The following SNX6 variants were observed in gnomAD, a reference collection of about 807,000 sequenced individuals.
SNX6 encodes sorting nexin 6, also known as sorting nexin-6.
In SNX6, 34 loss-of-function variants were observed where a neutral mutation model predicts 63.0. The ratio of observed to expected loss-of-function variants is 0.54; its 90% CI spans 0.41 to 0.72. SNX6 has a LOEUF of 0.72. SNX6 is among the 30% of genes least tolerant of loss of function. The probability of loss-of-function intolerance (pLI) is 0.00; values close to 1 mark genes in which losing one functional copy is unlikely to be tolerated. For synonymous variants in SNX6, 170 were observed against 164.2 expected (o/e 1.04, Z -0.27); for missense variants, 398 against 471.4 (o/e 0.84, Z 1.44).
intron 10 of SNX6, among the ~76,000 whole-genome samples, chr14:34,580,872 T>C (rs1028046313): frequency 6.6e-6 from 1 of 151,764 alleles, no homozygotes; most frequent in Non-Finnish European, 1.5e-5. Flanking sequence ...CCCAGGCTGA[T>C]CTCAAATTCC....
At chr14:34,570,675 C>T (rs142884347) in intron 11 of SNX6, among the ~76,000 whole-genome samples, 2,717 of 151,552 alleles carry the variant, frequency 0.018, 76 homozygotes, top group African/African-American at 0.062. Context: ...CCTGCCTCAG[C>T]CTCCCAAAAT....
chr14:34,584,157 T>C (rs1452095820), intron 9 of SNX6, among the ~76,000 whole-genome samples: 1 of 152,116 alleles, frequency 6.6e-6, no homozygotes. Flanking sequence ...GGTGGCATTT[T>C]AATTAGTGTA....
At chr14:34,611,774 T>C (rs1355264559) in intron 2 of SNX6, among the ~76,000 whole-genome samples, 2 of 125,096 alleles carry the variant, frequency 1.6e-5, no homozygotes, top group Admixed American at 8.2e-5. Context: ...AAAAGAGAAA[T>C]CTGTTCCCTT....
chr14:34,605,118 A>G (rs1240397394), intron 5 of SNX6, among the ~76,000 whole-genome samples: 2 of 152,220 alleles, frequency 1.3e-5, no homozygotes, highest in African/African-American at 2.4e-5. Context: ...GTTTTTAAGA[A>G]AACAGAATAT....
chr14:34,629,440 T>C (rs939522021), intron 2 of SNX6: 2 of 459,010 alleles, frequency 4.4e-6, no homozygotes, highest in African/African-American at 4.0e-5. Flanking sequence ...CCTTGCAAAA[T>C]GGTAATGTAG....
At chr14:34,577,002 A>C (rs1369168835) in intron 10 of SNX6, among the ~76,000 whole-genome samples, 2 of 151,894 alleles carry the variant, frequency 1.3e-5, no homozygotes, top group Admixed American at 6.6e-5. Context: ...GTGAGCCAAG[A>C]TTGAGCCACT....
At chr14:34,629,702 G>T in intron 2 of SNX6, 2 of 843,950 alleles carry the variant, frequency 2.4e-6, no homozygotes, top group Non-Finnish European at 3.8e-6. Context: ...GAAAGCGGCC[G>T]CGGGTCCCCG....
At chr14:34,617,055 C>T (rs1017891259) in intron 2 of SNX6, among the ~76,000 whole-genome samples, 6 of 152,076 alleles carry the variant, frequency 3.9e-5, no homozygotes, top group African/African-American at 1.5e-4. Flanking sequence ...GCACTCCAGC[C>T]TGGTCAAGAG....
At chr14:34,594,747 G>A (rs1882532995) in intron 7 of SNX6, among the ~76,000 whole-genome samples, 1 of 152,068 alleles carries the variant, frequency 6.6e-6, no homozygotes, top group African/African-American at 2.4e-5. Flanking sequence ...TATAATTGGA[G>A]ACCCATATCA....
At chr14:34,624,263 G>A (rs549482273) in intron 2 of SNX6, among the ~76,000 whole-genome samples, 1 of 152,150 alleles carries the variant, frequency 6.6e-6, no homozygotes, top group South Asian at 2.1e-4. Flanking sequence ...ATCACGCCCG[G>A]CTAATTTTTG....
chr14:34,624,026 A>C (rs1356970349), intron 2 of SNX6, among the ~76,000 whole-genome samples: 1 of 152,220 alleles, frequency 6.6e-6, no homozygotes, highest in Admixed American at 6.5e-5. Flanking sequence ...GGTAGGGCTA[A>C]AGAGATGAAA....
intron 6 of SNX6, among the ~76,000 whole-genome samples, chr14:34,598,548 T>G (rs945934268): frequency 1.3e-5 from 2 of 152,176 alleles, no homozygotes; most frequent in South Asian, 4.1e-4. Context: ...TGTACCATCA[T>G]GCCCAACTAT....
At chr14:34,617,789 C>T (rs1326196397) in intron 2 of SNX6, among the ~76,000 whole-genome samples, 7 of 151,644 alleles carry the variant, frequency 4.6e-5, no homozygotes, top group African/African-American at 7.3e-5. Flanking sequence ...GGCGTGGTGG[C>T]GGGCACCTGT....
chr14:34,567,927 A>G lies in SNX6; in HGVS notation c.1008T>C (p.Asp336=). The part of the protein sequence containing the change: ...ALDKARAKNK[D]VLQAETSQQL... ...GTTGGGAAGTTTCGGCCTGTAGAAC[A>G]TCTTTATTTTTTGCTCTTGCTTTAT... Residue 336 remains aspartate, a synonymous_variant, in exon 12 of 14, where the codon GAT becomes GAC. Coordinates refer to ENST00000362031, the MANE Select transcript of SNX6 (RefSeq NM_152233.4). 3 of 1,613,598 alleles carry G rather than the reference A, an allele frequency of 1.9e-6. No homozygotes were observed. The highest frequency in any genetic ancestry group is 3.6e-4 in the Middle Eastern group (2 of 5,628).
At chr14:34,602,848 C>T (rs1384480439) in intron 6 of SNX6, among the ~76,000 whole-genome samples, 66 of 149,972 alleles carry the variant, frequency 4.4e-4, no homozygotes, top group African/African-American at 1.6e-3. Context: ...TAGTGGCGGG[C>T]GCCTGTAGTC....
At chr14:34,593,015 A>T in intron 8 of SNX6, 30 bp downstream of exon 8, 1 of 1,360,582 alleles carries the variant, frequency 7.3e-7, no homozygotes, top group Non-Finnish European at 1.0e-6. Context: ...CCATTAAAAG[A>T]TATAAGCTTT....
At chr14:34,593,340 T>A (rs1045846252) in intron 7 of SNX6, among the ~76,000 whole-genome samples, 190 bp from the exon 8 acceptor site, 2 of 152,094 alleles carry the variant, frequency 1.3e-5, no homozygotes, top group African/African-American at 4.8e-5. Flanking sequence ...GTAAGAAATC[T>A]TCTATGACTT....
At position 34,574,005 on chromosome 14, in the gene SNX6, A is replaced by G. The variant is rs182057364; in HGVS notation, c.921+1751T>C. On this transcript the variant is annotated intron_variant, in intron 11 of 13. Coordinates refer to ENST00000362031, the MANE Select transcript of SNX6 (RefSeq NM_152233.4). Reference sequence around the variant, plus strand: ...AAAAAGCGTATTTTTGTTTTATGGCACTCTCATGCTCAATGGAGGACTTGC... The same window carrying G: ...AAAAAGCGTATTTTTGTTTTATGGCGCTCTCATGCTCAATGGAGGACTTGC... Among the ~76,000 whole-genome samples, 502 of 151,866 alleles carry G rather than the reference A, an allele frequency of 3.3e-3. 3 individuals carry two copies. The highest frequency in any genetic ancestry group is 0.012 in the African/African-American group (489 of 41,416).
intron 10 of SNX6, 90 bp downstream of exon 10, chr14:34,581,471 A>G (rs1881932510): frequency 1.2e-5 from 9 of 775,508 alleles, no homozygotes; most frequent in Non-Finnish European, 1.9e-5. Context: ...ACTCTTTTAA[A>G]AAAATTTTCT....
Sources: gnomAD v4.1 joint callset for allele counts (sites outside exome capture counted in the v4.1 genomes callset) on GRCh38, gnomAD v4.1.1 for gene constraint, MANE v1.5 for transcripts, NCBI Gene and HGNC (gene_info 2026-07-23, HGNC 2026-07-21) for gene names.